The following ZNF337 variants were observed in gnomAD, a reference collection of about 807,000 sequenced individuals.
The protein encoded by ZNF337 is zinc finger protein 337.
ZNF337 carries 8 observed loss-of-function variants against 12.1 expected under a neutral mutation model. That is an observed-to-expected ratio of 0.66 (90% CI 0.39 to 1.19). ZNF337 has a LOEUF of 1.19. ZNF337 is among the 50% of genes most tolerant of loss of function. The pLI, the probability that ZNF337 is intolerant of heterozygous loss-of-function variation, is 0.01. For synonymous variants in ZNF337, 336 were observed against 320.0 expected, an observed-to-expected ratio of 1.05 and a Z score of -0.53; for missense variants, 882 against 896.6, an observed-to-expected ratio of 0.98 and a Z score of 0.21.
At chr20:25,686,344 TG>T (rs1226520749) in intron 2 of ZNF337, 46 bp downstream of exon 2, 2 of 1,560,024 alleles carry the variant, frequency 1.3e-6, no homozygotes, top group South Asian at 2.2e-5. Flanking sequence ...GTGAAGGAAA[TG>T]GGCCCATCCT....
chr20:25,680,521 TAAG>T (rs1169676006), intron 4 of ZNF337, among the ~76,000 whole-genome samples: 2 of 152,108 alleles, frequency 1.3e-5, no homozygotes, highest in African/African-American at 4.8e-5. Context: ...ATATTCATAT[TAAG>T]AAAGGAAAAA....
chr20:25,685,566 C>T lies in ZNF337; in HGVS notation c.250+1G>A, dbSNP rs1329640558. The T allele has an allele frequency of 6.2e-7, 1 of 1,613,606 alleles. No homozygotes were observed. Among genetic ancestry groups the T allele is most frequent in the African/African-American group, 1.3e-5 (1 of 74,936 alleles). On this transcript the variant is annotated splice_donor_variant, in intron 4 of 4. Transcript: ENST00000252979. LOFTEE classifies it high-confidence loss of function. ...TCTGTCTGCCCTGTCTATCCCCTCACCTGCACAGGGGCCTGGCCGGCGTCT... is the reference window on the plus strand; with the variant it reads ...TCTGTCTGCCCTGTCTATCCCCTCATCTGCACAGGGGCCTGGCCGGCGTCT...
chr20:25,673,639 G>C lies in ZNF337; in HGVS notation c.*1393C>G, dbSNP rs946624730. Among the ~76,000 whole-genome samples the C allele has an allele frequency of 3.9e-5, 6 of 152,174 alleles. No homozygotes were observed. The highest frequency in any genetic ancestry group is 1.4e-4 in the African/African-American group (6 of 41,442). Reference sequence around the variant, plus strand: ...TTGGCTGAGCATTCCAACATCTGTAGAGCTCTGCTACAGGCCTTCAGCCCA... The same window carrying C: ...TTGGCTGAGCATTCCAACATCTGTACAGCTCTGCTACAGGCCTTCAGCCCA... On this transcript the variant is annotated 3_prime_UTR_variant, in exon 5 of 5. Coordinates refer to ENST00000252979, the MANE Select transcript of ZNF337 (RefSeq NM_015655.4).
intron 1 of ZNF337, 121 bp downstream of exon 1, chr20:25,696,638 C>G: frequency 1.5e-6 from 1 of 683,886 alleles, no homozygotes; most frequent in Non-Finnish European, 1.8e-6. Flanking sequence ...GCGGAGACGC[C>G]GGGCCTGGAG....
At position 25,686,054 on chromosome 20, in the gene ZNF337, A is replaced by G. The variant is rs774398194; in HGVS notation, c.96T>C (p.Ala32=). The change falls in exon 3 of 5, where the codon GCT becomes GCC. Residue 32 remains alanine (A), a synonymous_variant. Transcript: ENST00000252979. ...TCACCTCCCTGTACAGGGCCCTCTG[A>G]GCAGGGCTCAGCAGCCTCCATTCCT... ...TQKEWRLLSP[A]QRALYREVTL... The G allele has an allele frequency of 1.2e-6, 2 of 1,613,974 alleles. No homozygotes were observed. Among genetic ancestry groups the G allele is most frequent in the African/African-American group, 2.7e-5 (2 of 74,930 alleles).
chr20:25,674,838 T>C lies in ZNF337; in HGVS notation c.*194A>G. On this transcript the variant is annotated 3_prime_UTR_variant, in exon 5 of 5. Transcript: ENST00000252979. ...GCCCTCCCCTCAACTGGCATCTCTG[T>C]TCCCTAAACATTGACCTCTTTTCTC... 4 of 602,056 alleles carry C rather than the reference T, an allele frequency of 6.6e-6. No individual in the cohort carries two copies. Among genetic ancestry groups the C allele is most frequent in the African/African-American group, 1.9e-5 (1 of 54,024 alleles). The allele number at this position is 602,056 out of a possible 1,614,324, so 37.3% of individuals were successfully genotyped here.
chr20:25,680,415 A>C (rs543908354), intron 4 of ZNF337, among the ~76,000 whole-genome samples: 1 of 152,274 alleles, frequency 6.6e-6, no homozygotes, highest in South Asian at 2.1e-4. Context: ...TAATCCCCCC[A>C]AAACTAATAC....
rs1398828509 is a variant in ZNF337, at chr20:25,675,609, A to G, written c.1679T>C (p.Leu560Pro). 1 of 1,613,634 alleles carries G rather than the reference A, an allele frequency of 6.2e-7. No homozygotes were observed. Among genetic ancestry groups the G allele is most frequent in the South Asian group, 1.1e-5 (1 of 91,052 alleles). Residue 560 changes from leucine to proline, a missense_variant, in exon 5 of 5, where the codon CTT (leucine) becomes CCT (proline). Transcript: ENST00000252979. The stretch of plus-strand genomic sequence containing the variant: ...CCCCGAGTGTGTCCACTGATGTCTA[A>G]GAAGATTTGCCTTCAAACTAAAACT... ...EKSFSLKANL[L>P]RHQWTHSGER...
At chr20:25,686,488 AG>A in intron 1 of ZNF337, 22 bp from the exon 2 acceptor site, 1 of 1,596,294 alleles carries the variant, frequency 6.3e-7, no homozygotes, top group Non-Finnish European at 8.5e-7. Context: ...GAGAAGTCAG[AG>A]GGTGGCTGGG....
At chr20:25,694,735 A>C (rs543296684) in intron 1 of ZNF337, among the ~76,000 whole-genome samples, 57 of 152,318 alleles carry the variant, frequency 3.7e-4, no homozygotes, top group African/African-American at 1.3e-3. Flanking sequence ...TATTACTCTT[A>C]TATAATGAGG....
chr20:25,688,896 A>AGGCG (rs1449120879), intron 1 of ZNF337, among the ~76,000 whole-genome samples: 2 of 152,172 alleles, frequency 1.3e-5, no homozygotes, highest in African/African-American at 4.8e-5. Flanking sequence ...TGGGAGGCTG[A>AGGCG]GGCGGGCCTC....
At chr20:25,684,420 A>G (rs1047590545) in intron 4 of ZNF337, among the ~76,000 whole-genome samples, 2 of 152,176 alleles carry the variant, frequency 1.3e-5, no homozygotes, top group African/African-American at 2.4e-5. Flanking sequence ...CAAAACCACA[A>G]TGAGATACCA....
chr20:25,680,258 A>G (rs1239890891), intron 4 of ZNF337, among the ~76,000 whole-genome samples: 1 of 152,172 alleles, frequency 6.6e-6, no homozygotes, highest in African/African-American at 2.4e-5. Context: ...ATATTTCAAA[A>G]TAGAAAAAAA....
At chr20:25,693,119 C>T (rs901291483) in intron 1 of ZNF337, among the ~76,000 whole-genome samples, 4 of 152,194 alleles carry the variant, frequency 2.6e-5, no homozygotes, top group Non-Finnish European at 5.9e-5. Context: ...CACTGTCCCC[C>T]AGGCTGTAGT....
chr20:25,686,720 A>T, intron 1 of ZNF337: 1 of 464,204 alleles, frequency 2.2e-6, no homozygotes, highest in Non-Finnish European at 3.8e-6. Context: ...AAGGATGAGG[A>T]ACACCTGCAG....
intron 2 of ZNF337, 108 bp downstream of exon 2, chr20:25,686,283 A>C (rs1245649983): frequency 8.9e-6 from 13 of 1,461,102 alleles, no homozygotes; most frequent in African/African-American, 2.8e-5. Flanking sequence ...ATCACTCCCC[A>C]GGAGCGGTGC....
intron 4 of ZNF337, among the ~76,000 whole-genome samples, chr20:25,684,502 T>G (rs148323465): frequency 6.6e-6 from 1 of 152,242 alleles, no homozygotes; most frequent in South Asian, 2.1e-4. Context: ...TGTGGAGAAA[T>G]AGGAATGCTT....
chr20:25,685,086 T>A, intron 4 of ZNF337, among the ~76,000 whole-genome samples: 1 of 149,394 alleles, frequency 6.7e-6, no homozygotes, highest in South Asian at 2.1e-4. Flanking sequence ...GTAACAAACC[T>A]GCATGTTGTG....
chr20:25,681,962 C>A (rs1056789209), intron 4 of ZNF337, among the ~76,000 whole-genome samples: 1 of 152,106 alleles, frequency 6.6e-6, no homozygotes, highest in Non-Finnish European at 1.5e-5. Flanking sequence ...ATAAAGAATA[C>A]GGAGCACAAA....
Sources: allele counts gnomAD v4.1 joint callset (sites outside exome capture counted in the v4.1 genomes callset), GRCh38; gene constraint gnomAD v4.1.1; transcripts MANE v1.5; gene names NCBI Gene and HGNC (gene_info 2026-07-23, HGNC 2026-07-21).